Variants in LRRIQ1 observed in about 807,000 individuals in gnomAD.
The protein encoded by LRRIQ1 is leucine-rich repeat- and IQ domain-containing protein 1.
In LRRIQ1, 210 loss-of-function variants were observed where a neutral mutation model predicts 211.9. The observed-to-expected ratio is 0.99, with a 90% CI of 0.89 to 1.11. The LOEUF is 1.11. Among genes scored for constraint, LRRIQ1 ranks in the 50% most tolerant of loss-of-function variants. The pLI, the probability that LRRIQ1 is intolerant of heterozygous loss-of-function variation, is 0.00. For missense variants in LRRIQ1, 2,136 were observed against 1,939.5 expected (o/e 1.10, Z -1.90); for synonymous variants, 699 against 650.1 (o/e 1.08, Z -1.14).
Position 85,104,066 on chromosome 12 carries a change from A to G in LRRIQ1, c.3272A>G (p.Asn1091Ser), listed in dbSNP as rs1259644599. ...TTGGAAAAGCTAGATGTCAGCCACA[A>G]TTGTCTTTCTGGTAAGTTTAGCATA... The part of the protein sequence containing the change: ...VSLEKLDVSH[N>S]CLSDLKSAIK... The change falls in exon 14 of 27, where the codon AAT becomes AGT. Residue 1091 changes from asparagine to serine, a missense_variant. Transcript: ENST00000393217. The G allele has an allele frequency of 3.2e-6, 5 of 1,545,534 alleles. No individual in the cohort carries two copies. Among genetic ancestry groups the G allele is most frequent in the African/African-American group, 2.8e-5 (2 of 71,880 alleles).
intron 13 of LRRIQ1, among the ~76,000 whole-genome samples, chr12:85,103,792 T>G (rs1886568381): frequency 6.6e-6 from 1 of 151,574 alleles, no homozygotes; most frequent in Non-Finnish European, 1.5e-5. Context: ...CCATCATAAA[T>G]ACGTAGAAGT....
At chr12:85,052,352 T>G (rs1302904707) in intron 7 of LRRIQ1, 101 bp downstream of exon 7, 11 of 567,698 alleles carry the variant, frequency 1.9e-5, no homozygotes, top group Non-Finnish European at 2.1e-5. Context: ...GCCTAAGTAG[T>G]ATAAGATTTT....
chr12:85,201,983 T>A (rs1400335579), intron 24 of LRRIQ1, among the ~76,000 whole-genome samples: 1 of 152,158 alleles, frequency 6.6e-6, no homozygotes, highest in Non-Finnish European at 1.5e-5. Context: ...TATTCTAGTA[T>A]GTTGTATTTT....
Position 85,095,216 on chromosome 12 carries a change from C to T in LRRIQ1, c.2888-3139C>T, listed in dbSNP as rs899489784. ...CAGTTCTCAAGGAGAATGCTTCCAG[C>T]TTTTGCCCATTCATTATAATCTTGG... On this transcript the variant is annotated intron_variant, in intron 11 of 26. Transcript: ENST00000393217. Among the ~76,000 whole-genome samples, 8 of 152,056 alleles carry T rather than the reference C, an allele frequency of 5.3e-5. 1 individual carries two copies. Among genetic ancestry groups the T allele is most frequent in the Admixed American group, 4.6e-4 (7 of 15,244 alleles).
chr12:85,113,938 T>TGTGTGTGC (rs1330273648), intron 15 of LRRIQ1, among the ~76,000 whole-genome samples: 1 of 151,522 alleles, frequency 6.6e-6, no homozygotes, highest in African/African-American at 2.4e-5. Flanking sequence ...TGTGTGTGTG[T>TGTGTGTGC]GTGTGTGTGA....
At chr12:85,255,584 A>G (rs1007670489) in intron 1 of LRRIQ1, among the ~76,000 whole-genome samples, 10 of 151,782 alleles carry the variant, frequency 6.6e-5, no homozygotes, top group Non-Finnish European at 1.3e-4. Context: ...TTGAAGTAAT[A>G]TATCAGTAAC....
intron 11 of LRRIQ1, among the ~76,000 whole-genome samples, chr12:85,075,014 TA>T (rs149523296): frequency 0.027 from 4,177 of 152,276 alleles, 188 homozygotes; most frequent in African/African-American, 0.095. Flanking sequence ...TGAAAAAAGT[TA>T]TTTTTTACAT....
intron 24 of LRRIQ1, among the ~76,000 whole-genome samples, chr12:85,219,529 T>G (rs947330042): frequency 5.3e-5 from 8 of 152,218 alleles, no homozygotes; most frequent in Non-Finnish European, 1.0e-4. Flanking sequence ...ATACCCCAAA[T>G]GGACCAATTT....
At chr12:85,222,857 A>G (rs1411854105) in intron 24 of LRRIQ1, among the ~76,000 whole-genome samples, 1 of 152,176 alleles carries the variant, frequency 6.6e-6, no homozygotes, top group East Asian at 1.9e-4. Flanking sequence ...TTACACATAC[A>G]TATATCACCA....
At chr12:85,151,986 G>A (rs1263387914) in intron 19 of LRRIQ1, among the ~76,000 whole-genome samples, 2 of 151,760 alleles carry the variant, frequency 1.3e-5, no homozygotes, top group East Asian at 3.9e-4. Context: ...ATTTGGCTCA[G>A]AGTCATAGTT....
intron 16 of LRRIQ1, 99 bp downstream of exon 16, chr12:85,121,975 G>T: frequency 2.9e-6 from 3 of 1,019,710 alleles, no homozygotes; most frequent in Admixed American, 3.7e-5. Flanking sequence ...TACTTTTTTG[G>T]ATTAGAACAG....
At chr12:85,216,620 G>A (rs1592982847) in intron 24 of LRRIQ1, among the ~76,000 whole-genome samples, 1 of 151,556 alleles carries the variant, frequency 6.6e-6, no homozygotes, top group South Asian at 2.1e-4. Flanking sequence ...ATTGAAAATA[G>A]CTTTCAAAAA....
intron 26 of LRRIQ1, among the ~76,000 whole-genome samples, chr12:85,236,659 T>A (rs915372311): frequency 2.0e-5 from 3 of 151,762 alleles, no homozygotes; most frequent in Non-Finnish European, 2.9e-5. Context: ...TGTCAGTGTT[T>A]ATTAAAGTAG....
At chr12:85,230,299 TCTCA>T (rs1810119547) in intron 25 of LRRIQ1, among the ~76,000 whole-genome samples, 1 of 152,212 alleles carries the variant, frequency 6.6e-6, no homozygotes, top group Admixed American at 6.5e-5. Context: ...AATTATTTTA[TCTCA>T]CTCAGCTCCA....
rs141076455 is a variant in LRRIQ1, at chr12:85,085,895, A to G, written c.2888-12460A>G. Among the ~76,000 whole-genome samples, 1,275 of 152,310 alleles carry G rather than the reference A, an allele frequency of 8.4e-3. 27 individuals carry two copies. Among genetic ancestry groups the G allele is most frequent in the Non-Finnish European group, 8.5e-3 (581 of 68,038 alleles). ...TGCTGTTGTGAATAATGCTACAATG[A>G]ACATACAAGTGCAGATATCTTTTTG... On this transcript the variant is annotated intron_variant, in intron 11 of 26. Transcript: ENST00000393217.
chr12:85,224,798 T>C (rs531334962), intron 24 of LRRIQ1, among the ~76,000 whole-genome samples: 7 of 151,864 alleles, frequency 4.6e-5, no homozygotes, highest in Admixed American at 1.3e-4. Flanking sequence ...GATGAGTTGA[T>C]GGGTGCAGTA....
chr12:85,170,465 CAT>C (rs996015246), intron 24 of LRRIQ1, among the ~76,000 whole-genome samples: 10 of 150,126 alleles, frequency 6.7e-5, no homozygotes, highest in African/African-American at 2.4e-4. Flanking sequence ...AGTATATGCA[CAT>C]ATTATATGTA....
At chr12:85,223,560 TTATATCTCA>T (rs1364373631) in intron 24 of LRRIQ1, among the ~76,000 whole-genome samples, 2 of 152,286 alleles carry the variant, frequency 1.3e-5, no homozygotes, top group East Asian at 3.9e-4. Flanking sequence ...TGAAATCCTC[TTATATCTCA>T]TGCAGTTTAT....
chr12:85,129,539 C>T (rs2642535), intron 18 of LRRIQ1, among the ~76,000 whole-genome samples: 150,609 of 152,270 alleles, frequency 0.99, 74,488 homozygotes, highest in Middle Eastern at 1. Flanking sequence ...CAAAGAAAAG[C>T]TTATCAATTT....
Sources: allele counts gnomAD v4.1 joint callset (sites outside exome capture counted in the v4.1 genomes callset), GRCh38; gene constraint gnomAD v4.1.1; transcripts MANE v1.5; gene names NCBI Gene and HGNC (gene_info 2026-07-23, HGNC 2026-07-21).